NAALADL2: variants seen among roughly 807,000 people sequenced by gnomAD.
NAALADL2 encodes the protein N-acetylated alpha-linked acidic dipeptidase like 2.
NAALADL2 carries 76 observed loss-of-function variants against 87.2 expected under a neutral mutation model. The observed-to-expected ratio is 0.87, with a 90% CI of 0.72 to 1.05. The LOEUF (loss-of-function observed/expected upper bound fraction) is 1.05, where lower values mean the gene tolerates loss of function less well. Among genes scored for constraint, NAALADL2 ranks in the 50% least tolerant of loss-of-function variants. The pLI is 0.00. For synonymous variants in NAALADL2, 354 were observed against 331.0 expected (o/e 1.07, Z -0.75); for missense variants, 1,089 against 945.8 (o/e 1.15, Z -1.99).
At chr3:175,579,211 CTAT>C (rs1719372254) in intron 10 of NAALADL2, among the ~76,000 whole-genome samples, 1 of 148,870 alleles carries the variant, frequency 6.7e-6, no homozygotes, top group East Asian at 1.9e-4. Context: ...ATCTATCTAT[CTAT>C]CTATCTATCA....
chr3:175,202,558 G>A (rs1287432693), intron 2 of NAALADL2, among the ~76,000 whole-genome samples: 1 of 152,128 alleles, frequency 6.6e-6, no homozygotes, highest in East Asian at 1.9e-4. Context: ...GACTCAAAGG[G>A]CATAGAGATT....
At chr3:175,258,479 T>C (rs887075453) in intron 4 of NAALADL2, among the ~76,000 whole-genome samples, 3 of 152,136 alleles carry the variant, frequency 2.0e-5, no homozygotes, top group African/African-American at 7.2e-5. Flanking sequence ...ATTAAGAGGC[T>C]AAATTAGAAT....
intron 3 of NAALADL2, among the ~76,000 whole-genome samples, chr3:174,782,882 A>C (rs1251790215): frequency 1.3e-5 from 2 of 152,130 alleles, no homozygotes; most frequent in South Asian, 2.1e-4. Flanking sequence ...CCAATGACAG[A>C]TGGGGATTAT....
intron 6 of NAALADL2, among the ~76,000 whole-genome samples, chr3:175,449,280 AT>A (rs1280182170): frequency 6.6e-6 from 1 of 151,688 alleles, no homozygotes; most frequent in Non-Finnish European, 1.5e-5. Flanking sequence ...GGATCTTACT[AT>A]GTTGCCAGGG....
intron 11 of NAALADL2, among the ~76,000 whole-genome samples, chr3:175,717,251 G>T (rs1194441782): frequency 6.6e-6 from 1 of 152,128 alleles, no homozygotes; most frequent in Non-Finnish European, 1.5e-5. Context: ...ATCCTTTTGA[G>T]GCAGGGCTAC....
chr3:175,076,492 CA>C (rs1166649653), intron 1 of NAALADL2, among the ~76,000 whole-genome samples: 3 of 151,892 alleles, frequency 2.0e-5, no homozygotes, highest in Admixed American at 6.6e-5. Context: ...GTAAGAAAAA[CA>C]CAGAAGGCAT....
chr3:174,496,444 A>G (rs1260706326), intron 1 of NAALADL2, among the ~76,000 whole-genome samples: 1 of 150,966 alleles, frequency 6.6e-6, no homozygotes, highest in Non-Finnish European at 1.5e-5. Context: ...AATGTTAAAG[A>G]TATGTATTCA....
At chr3:175,429,851 G>T (rs552208215) in intron 5 of NAALADL2, among the ~76,000 whole-genome samples, 2 of 151,894 alleles carry the variant, frequency 1.3e-5, no homozygotes, top group South Asian at 4.2e-4. Flanking sequence ...ATGTCACAGG[G>T]TAATATGTAT....
chr3:174,911,681 T>C (rs910714146), intron 1 of NAALADL2, among the ~76,000 whole-genome samples: 18 of 152,112 alleles, frequency 1.2e-4, no homozygotes, highest in Non-Finnish European at 2.5e-4. Context: ...TGGGTTTCAG[T>C]CATTTTTAAT....
chr3:174,882,519 G>GCACACACA (rs1729353844), intron 1 of NAALADL2, among the ~76,000 whole-genome samples: 1 of 145,856 alleles, frequency 6.9e-6, no homozygotes, highest in African/African-American at 2.7e-5. Context: ...ATACATATGT[G>GCACACACA]CATATACACA....
chr3:174,757,638 C>T (rs565867749), intron 3 of NAALADL2, among the ~76,000 whole-genome samples: 25 of 151,866 alleles, frequency 1.6e-4, no homozygotes, highest in Non-Finnish European at 2.4e-4. Context: ...ACTACAGGTA[C>T]GCACCACCAC....
chr3:175,469,250 A>C (rs1724533954), intron 8 of NAALADL2, among the ~76,000 whole-genome samples: 1 of 152,068 alleles, frequency 6.6e-6, no homozygotes, highest in African/African-American at 2.4e-5. Flanking sequence ...TCATGAAGCC[A>C]TTTTGTAAAC....
In NAALADL2 at chr3:174,869,819, A is replaced by C. The variant is rs866921070; in HGVS notation, c.43+10369A>C. On this transcript the variant is annotated intron_variant, in intron 1 of 13. Coordinates refer to ENST00000454872, the MANE Select transcript of NAALADL2 (RefSeq NM_207015.3). ...GAGACCAGCCTAGGTCAACATGGTG[A>C]AACCCAGATTCTACTAAAAATACAA... Among the ~76,000 whole-genome samples the C allele has an allele frequency of 2.6e-5, 4 of 152,038 alleles. No homozygotes were observed. In the South Asian group the frequency reaches 8.3e-4, roughly 32 times the overall value.
chr3:175,789,593 C>T (rs2108281153), intron 13 of NAALADL2, among the ~76,000 whole-genome samples: 1 of 152,232 alleles, frequency 6.6e-6, no homozygotes, highest in South Asian at 2.1e-4. Context: ...ATTCATTAAG[C>T]ATGGAACAAA....
At chr3:175,156,756 G>T (rs1732392118) in intron 2 of NAALADL2, among the ~76,000 whole-genome samples, 1 of 152,058 alleles carries the variant, frequency 6.6e-6, no homozygotes, top group Admixed American at 6.6e-5. Context: ...GGGATTGTGG[G>T]TATCACATAC....
rs553998415 is a variant in NAALADL2 at position 175,456,697 on chromosome 3, A to G, written c.1235-6704A>G. ...CTGACAAACAATGACATACTCCTAC[A>G]CAGATGATGCAACCATCACAATCAG... is the stretch of plus-strand genomic sequence containing the variant. On this transcript the variant is annotated intron_variant, in intron 6 of 13. Coordinates refer to ENST00000454872, the MANE Select transcript of NAALADL2 (RefSeq NM_207015.3). Among the ~76,000 whole-genome samples the G allele has an allele frequency of 8.5e-5, 13 of 152,204 alleles. No individual in the cohort carries two copies. In the South Asian group the frequency reaches 2.3e-3, roughly 27 times the overall value.
intron 4 of NAALADL2, among the ~76,000 whole-genome samples, chr3:175,264,273 C>G (rs1751562497): frequency 6.6e-6 from 1 of 151,480 alleles, no homozygotes; most frequent in Admixed American, 6.6e-5. Context: ...ACATTGATGA[C>G]AAAAATACTC....
At chr3:174,642,749 CATATATATATATATATAT>C (rs71624288) in intron 2 of NAALADL2, among the ~76,000 whole-genome samples, 54 of 130,294 alleles carry the variant, frequency 4.1e-4, no homozygotes, top group African/African-American at 6.5e-4. Context: ...TGAAAAAAAA[CATATATATATATATATAT>C]ATATATATAT....
At chr3:174,622,655 G>T (rs1163305678) in intron 2 of NAALADL2, among the ~76,000 whole-genome samples, 1 of 152,108 alleles carries the variant, frequency 6.6e-6, no homozygotes, top group Non-Finnish European at 1.5e-5. Flanking sequence ...CTAGATAAAA[G>T]AAAATGTTAT....
Sources: allele counts gnomAD v4.1 joint callset (sites outside exome capture counted in the v4.1 genomes callset), GRCh38; gene constraint gnomAD v4.1.1; transcripts MANE v1.5; gene names NCBI Gene and HGNC (gene_info 2026-07-23, HGNC 2026-07-21).